The following TNIK variants were observed in gnomAD, a reference collection of about 807,000 sequenced individuals.
The protein encoded by TNIK is TRAF2 and NCK interacting kinase.
A neutral mutation model predicts 191.3 loss-of-function variants in TNIK; 49 were observed. The observed-to-expected ratio is 0.26, with a 90% CI of 0.20 to 0.32. The LOEUF (loss-of-function observed/expected upper bound fraction) is 0.32, where lower values mean the gene tolerates loss of function less well. Among genes scored for constraint, TNIK ranks in the 10% least tolerant of loss-of-function variants. TNIK has a pLI of 1.00. For missense variants in TNIK, 1,155 were observed against 1,702.3 expected (o/e 0.68, Z 5.66); for synonymous variants, 594 against 600.9 (o/e 0.99, Z 0.17).
chr3:171,113,122 A>G (rs942380080), intron 18 of TNIK, among the ~76,000 whole-genome samples: 1 of 152,204 alleles, frequency 6.6e-6, no homozygotes, highest in Non-Finnish European at 1.5e-5. Flanking sequence ...AAAAGTGACT[A>G]CTGAGGTAGA....
At chr3:171,302,867 CCTCCACCATCTG>C (rs1316672961) in intron 2 of TNIK, among the ~76,000 whole-genome samples, 1 of 152,172 alleles carries the variant, frequency 6.6e-6, no homozygotes, top group Admixed American at 6.5e-5. Flanking sequence ...GTCTCCATCT[CCTCCACCATCTG>C]CTCCACATCC....
chr3:171,288,802 C>A (rs1367537273), intron 2 of TNIK, among the ~76,000 whole-genome samples: 3 of 99,130 alleles, frequency 3.0e-5, no homozygotes, highest in Non-Finnish European at 5.9e-5. Context: ...AGCAAGACTC[C>A]ATCTCAAAAA....
At chr3:171,339,751 G>A (rs898412116) in intron 2 of TNIK, among the ~76,000 whole-genome samples, 2 of 152,208 alleles carry the variant, frequency 1.3e-5, no homozygotes, top group South Asian at 2.1e-4. Context: ...CTGATGCCAA[G>A]TGCTACCAGA....
At chr3:171,099,976 CA>C (rs1410465347) in intron 22 of TNIK, among the ~76,000 whole-genome samples, 6 of 152,198 alleles carry the variant, frequency 3.9e-5, no homozygotes, top group African/African-American at 1.4e-4. Context: ...CTCCAACTAG[CA>C]TATAAACTTT....
intron 2 of TNIK, among the ~76,000 whole-genome samples, chr3:171,285,790 T>C (rs904439547): frequency 3.3e-5 from 5 of 152,224 alleles, no homozygotes; most frequent in African/African-American, 1.2e-4. Flanking sequence ...TTCTTGTGTG[T>C]TTTTTTAACT....
chr3:171,409,378 C>T (rs1452563477), intron 1 of TNIK, among the ~76,000 whole-genome samples: 1 of 152,068 alleles, frequency 6.6e-6, no homozygotes, highest in Non-Finnish European at 1.5e-5. Flanking sequence ...GATATTTACA[C>T]CATCTGTAGG....
chr3:171,175,175 G>A lies in TNIK; in HGVS notation c.773+77C>T, dbSNP rs1037693215. Reference sequence around the variant, plus strand: ...GTCTCATTCTATCAGCAGGACCTAGGGATTAGAGCTAATCCAAAATAGAAT... The same window carrying A: ...GTCTCATTCTATCAGCAGGACCTAGAGATTAGAGCTAATCCAAAATAGAAT... On this transcript the variant is annotated intron_variant, in intron 9 of 32. Coordinates refer to ENST00000436636, the MANE Select transcript of TNIK (RefSeq NM_015028.4). 1.3e-5 allele frequency: 18 copies of A among 1,370,712 alleles called. No homozygotes were observed. The African/African-American group carries it at 2.6e-4, about 20-fold the overall frequency. The allele number at this position is 1,370,712 out of a possible 1,614,324, so 84.9% of individuals were successfully genotyped here.
chr3:171,119,970 T>G, intron 18 of TNIK, among the ~76,000 whole-genome samples: 1 of 152,164 alleles, frequency 6.6e-6, no homozygotes, highest in Non-Finnish European at 1.5e-5. Flanking sequence ...TCCATAGGGC[T>G]CTTTTGGATT....
chr3:171,101,505 ATCTTCCTCC>A lies in TNIK; in HGVS notation c.2526_2534del (p.Glu842_Glu844del), dbSNP rs770805507. ...TCCCATCATGGGTCTCGCTCTCTCC[ATCTTCCTCC>A]TCTTCCTCGCTACTTTCTGACTCCT... On this transcript the variant is annotated inframe_deletion, in exon 22 of 33. Coordinates refer to ENST00000436636, the MANE Select transcript of TNIK (RefSeq NM_015028.4). 3.1e-6 allele frequency: 5 copies of A among 1,613,462 alleles called. No individual in the cohort carries two copies. The highest frequency in any genetic ancestry group is 4.2e-6 in the Non-Finnish European group (5 of 1,179,544).
chr3:171,138,528 A>ATTTC, intron 14 of TNIK, 149 bp from the exon 15 acceptor site: 1 of 725,212 alleles, frequency 1.4e-6, no homozygotes, highest in South Asian at 2.8e-5. Flanking sequence ...GGATGTCAGG[A>ATTTC]TGTGCCACAG....
intron 2 of TNIK, among the ~76,000 whole-genome samples, chr3:171,292,487 G>A (rs1215661288): frequency 6.6e-6 from 1 of 152,176 alleles, no homozygotes; most frequent in Non-Finnish European, 1.5e-5. Flanking sequence ...TCCAACACAT[G>A]TATGGCTCAA....
rs1717889241 is a variant in TNIK, at chr3:171,062,137, G to A, written c.*1744C>T. On this transcript the variant is annotated 3_prime_UTR_variant, in exon 33 of 33. Transcript: ENST00000436636. ...CATTAATAGTACATCAGCTGCTTGT[G>A]TATTTAGGCAAAGTCAGTAAGATCG... 6.6e-6 allele frequency: 1 copy of A among 152,070 alleles called. No individual in the cohort carries two copies. The highest frequency in any genetic ancestry group is 2.4e-5 in the African/African-American group (1 of 41,394). 9.4% of individuals were successfully genotyped at this position (152,070 alleles called of 1,614,324 possible).
At chr3:171,347,221 G>GAAAAA (rs3082367) in intron 2 of TNIK, 170 of 1,418,280 alleles carry the variant, frequency 1.2e-4, no homozygotes, top group South Asian at 9.6e-4. Context: ...TTCATTTGCT[G>GAAAAA]AAAAAAAAAA....
At chr3:171,290,143 AG>A (rs771367896) in intron 2 of TNIK, among the ~76,000 whole-genome samples, 4 of 152,200 alleles carry the variant, frequency 2.6e-5, no homozygotes, top group Non-Finnish European at 5.9e-5. Context: ...GCTCTTGAGA[AG>A]GCACGTACTA....
chr3:171,454,134 T>C (rs1026438278), intron 1 of TNIK, among the ~76,000 whole-genome samples: 4 of 152,164 alleles, frequency 2.6e-5, no homozygotes, highest in African/African-American at 4.8e-5. Flanking sequence ...AATTTGACAT[T>C]AAAGCATCTT....
intron 1 of TNIK, among the ~76,000 whole-genome samples, chr3:171,377,924 T>A (rs1204494454): frequency 2.0e-5 from 3 of 152,188 alleles, no homozygotes; most frequent in Non-Finnish European, 4.4e-5. Flanking sequence ...TGAATCCAAG[T>A]CCATTATTAC....
chr3:171,072,621 A>C (rs901993746), intron 28 of TNIK, among the ~76,000 whole-genome samples: 2 of 152,186 alleles, frequency 1.3e-5, no homozygotes, highest in African/African-American at 4.8e-5. Context: ...CAAATTGGAA[A>C]AGAGGAAGTG....
Position 171,322,913 on chromosome 3 carries a change from T to C in TNIK, c.123+46707A>G, listed in dbSNP as rs114764715. Among the ~76,000 whole-genome samples the C allele has an allele frequency of 5.7e-3, 874 of 152,122 alleles. 10 individuals carry two copies. The highest frequency in any genetic ancestry group is 0.02 in the African/African-American group (819 of 41,492). On this transcript the variant is annotated intron_variant, in intron 2 of 32. Coordinates refer to ENST00000436636, the MANE Select transcript of TNIK (RefSeq NM_015028.4). ...TTCAAATCAGATCCACTACCTGCTT[T>C]TGTATAGCCAGTGAGTTAAGAATTT...
chr3:171,225,828 A>G (rs1158424924), intron 3 of TNIK: 1 of 341,920 alleles, frequency 2.9e-6, no homozygotes, highest in Non-Finnish European at 5.7e-6. Flanking sequence ...GGAACTCTCA[A>G]CTGTAGTTCT....
Sources: gnomAD v4.1 joint callset for allele counts (sites outside exome capture counted in the v4.1 genomes callset) on GRCh38, gnomAD v4.1.1 for gene constraint, MANE v1.5 for transcripts, NCBI Gene and HGNC (gene_info 2026-07-23, HGNC 2026-07-21) for gene names.